Variants in CSMD1 observed in about 807,000 individuals in gnomAD.
CSMD1 encodes the protein CUB and Sushi multiple domains 1.
In CSMD1, 213 loss-of-function variants were observed where a neutral mutation model predicts 417.5. That is an observed-to-expected ratio of 0.51 (90% CI 0.46 to 0.57). The LOEUF (loss-of-function observed/expected upper bound fraction) is 0.57, where lower values mean the gene tolerates loss of function less well. Among genes scored for constraint, CSMD1 ranks in the 20% least tolerant of loss-of-function variants. The pLI, the probability that CSMD1 is intolerant of heterozygous loss-of-function variation, is 0.00. For synonymous variants in CSMD1, 2,862 were observed against 1,736.8 expected (o/e 1.65, Z -16.11); for missense variants, 6,923 against 4,529.7 (o/e 1.53, Z -15.17).
intron 26 of CSMD1, among the ~76,000 whole-genome samples, chr8:3,270,221 T>A (rs930676037): frequency 6.6e-6 from 1 of 151,976 alleles, no homozygotes; most frequent in Non-Finnish European, 1.5e-5. Context: ...TGCTAATTTT[T>A]TTATCTTTTT....
chr8:3,107,584 A>G (rs144600440), intron 45 of CSMD1, 134 bp downstream of exon 45: 11 of 527,234 alleles, frequency 2.1e-5, no homozygotes, highest in Middle Eastern at 4.4e-4. Flanking sequence ...CTTTAAGGAT[A>G]GTTTGTTCTT....
At chr8:3,943,719 C>A (rs1485159025) in intron 5 of CSMD1, among the ~76,000 whole-genome samples, 3 of 151,842 alleles carry the variant, frequency 2.0e-5, no homozygotes, top group Non-Finnish European at 4.4e-5. Context: ...GACATTTCTG[C>A]CAAAAAAATA....
chr8:4,697,126 C>G (rs1013246941), intron 1 of CSMD1, among the ~76,000 whole-genome samples: 5 of 152,010 alleles, frequency 3.3e-5, no homozygotes, highest in Non-Finnish European at 5.9e-5. Flanking sequence ...GAGCCGAGAT[C>G]GCGCCACTGC....
chr8:4,114,159 T>C (rs921349751), intron 3 of CSMD1, among the ~76,000 whole-genome samples: 1 of 152,168 alleles, frequency 6.6e-6, no homozygotes, highest in African/African-American at 2.4e-5. Flanking sequence ...GCTTAAAAAC[T>C]TCAAAGGACA....
At position 3,997,521 on chromosome 8, in the gene CSMD1, C is replaced by G. The variant is rs576969943; in HGVS notation, c.818+382G>C. Among the ~76,000 whole-genome samples, 8 of 152,316 alleles carry G rather than the reference C, an allele frequency of 5.3e-5. No individual in the cohort carries two copies. The South Asian group carries it at 1.7e-3, about 32-fold the overall frequency. On this transcript the variant is annotated intron_variant, in intron 5 of 69. Coordinates refer to ENST00000635120, the MANE Select transcript of CSMD1 (RefSeq NM_033225.6). ...GGAAAGCACAATCATATATCTGCAG[C>G]AGTCTGTCAATTCTCGCTAACGTGA...
At chr8:3,944,029 T>C (rs1178704039) in intron 5 of CSMD1, among the ~76,000 whole-genome samples, 1 of 152,130 alleles carries the variant, frequency 6.6e-6, no homozygotes, top group Admixed American at 6.6e-5. Context: ...TATACTGTGG[T>C]TGTGAAAGAA....
At chr8:4,745,293 G>A (rs1810879959) in intron 1 of CSMD1, among the ~76,000 whole-genome samples, 1 of 152,080 alleles carries the variant, frequency 6.6e-6, no homozygotes, top group Non-Finnish European at 1.5e-5. Flanking sequence ...AAACACTATT[G>A]CAGCCTAATG....
At chr8:3,292,213 CCTTTA>C (rs1803632248) in intron 25 of CSMD1, among the ~76,000 whole-genome samples, 1 of 152,060 alleles carries the variant, frequency 6.6e-6, no homozygotes, top group Admixed American at 6.6e-5. Flanking sequence ...AATTTCTGTT[CCTTTA>C]CATTTGCTGA....
At chr8:4,520,635 A>T (rs1267591421) in intron 2 of CSMD1, among the ~76,000 whole-genome samples, 1 of 152,082 alleles carries the variant, frequency 6.6e-6, no homozygotes, top group East Asian at 1.9e-4. Flanking sequence ...TAGATAAGTT[A>T]TTTCCCCCTA....
intron 6 of CSMD1, among the ~76,000 whole-genome samples, chr8:3,745,428 T>G (rs1563334064): frequency 6.6e-6 from 1 of 152,326 alleles, no homozygotes; most frequent in East Asian, 1.9e-4. Flanking sequence ...AAGAAAGGTC[T>G]TACAAACAGG....
chr8:4,388,695 A>G (rs1245260189), intron 3 of CSMD1, among the ~76,000 whole-genome samples: 2 of 152,202 alleles, frequency 1.3e-5, no homozygotes, highest in Middle Eastern at 3.2e-3. Context: ...CCAATAGCTC[A>G]TGGAAAAAAC....
intron 1 of CSMD1, among the ~76,000 whole-genome samples, chr8:4,772,970 A>G (rs758763872): frequency 3.5e-4 from 53 of 152,330 alleles, no homozygotes; most frequent in Non-Finnish European, 5.7e-4. Flanking sequence ...GGGACATTTA[A>G]AGATACATGG....
chr8:3,712,207 C>T (rs1371850534), intron 6 of CSMD1, among the ~76,000 whole-genome samples: 3 of 152,244 alleles, frequency 2.0e-5, no homozygotes, highest in Admixed American at 2.0e-4. Flanking sequence ...CAACGTTGTA[C>T]AAAAAGGGAA....
intron 62 of CSMD1, among the ~76,000 whole-genome samples, chr8:2,960,039 T>C (rs1263498763): frequency 6.6e-6 from 1 of 152,230 alleles, no homozygotes; most frequent in African/African-American, 2.4e-5. Context: ...ACAGTCATCA[T>C]TGACTTTTAA....
rs150241255 is a variant in CSMD1 at position 3,544,273 on chromosome 8, G to A, written c.1344+30672C>T. 6.9e-4 allele frequency among the ~76,000 whole-genome samples: 105 copies of A among 152,234 alleles called. No homozygotes were observed. In the East Asian group the frequency reaches 9.3e-3, roughly 13 times the overall value. On this transcript the variant is annotated intron_variant, in intron 10 of 69. Coordinates refer to ENST00000635120, the MANE Select transcript of CSMD1 (RefSeq NM_033225.6). Reference sequence around the variant, plus strand: ...CATCCTGATACCTTGAAAAAAGAGCGTTCTTAATTTTGCTTTAAAGAAAAT... The same window carrying A: ...CATCCTGATACCTTGAAAAAAGAGCATTCTTAATTTTGCTTTAAAGAAAAT...
intron 36 of CSMD1, among the ~76,000 whole-genome samples, chr8:3,186,629 A>G (rs1001900139): frequency 1.3e-5 from 2 of 152,158 alleles, no homozygotes; most frequent in African/African-American, 4.8e-5. Context: ...TTTTTAACCT[A>G]TTGAGTAAAA....
intron 1 of CSMD1, among the ~76,000 whole-genome samples, chr8:4,921,446 G>C (rs549911388): frequency 1.3e-5 from 2 of 152,132 alleles, no homozygotes; most frequent in East Asian, 1.9e-4. Flanking sequence ...TCATGTTAAA[G>C]ATAAGAATGT....
intron 26 of CSMD1, among the ~76,000 whole-genome samples, chr8:3,260,441 A>G (rs935967506): frequency 4.6e-5 from 7 of 152,116 alleles, no homozygotes; most frequent in Non-Finnish European, 8.8e-5. Flanking sequence ...ATCGGGGTGC[A>G]TCAACTCAGC....
intron 2 of CSMD1, among the ~76,000 whole-genome samples, chr8:4,558,135 CATA>C (rs146674021): frequency 0.096 from 14,606 of 152,034 alleles, 811 homozygotes; most frequent in African/African-American, 0.16. Flanking sequence ...CCTTAAAAAT[CATA>C]ATAAGAAGTT....
Sources: gnomAD v4.1 joint callset for allele counts (sites outside exome capture counted in the v4.1 genomes callset) on GRCh38, gnomAD v4.1.1 for gene constraint, MANE v1.5 for transcripts, NCBI Gene and HGNC (gene_info 2026-07-23, HGNC 2026-07-21) for gene names.